The following ZNF608 variants were observed in gnomAD, a reference collection of about 807,000 sequenced individuals.
ZNF608 encodes the protein renal carcinoma antigen NY-REN-36.
ZNF608 carries 12 observed loss-of-function variants against 109.0 expected under a neutral mutation model. That is an observed-to-expected ratio of 0.11 (90% CI 0.07 to 0.18). ZNF608 has a LOEUF of 0.18. Among genes scored for constraint, ZNF608 ranks in the 10% least tolerant of loss-of-function variants. The pLI is 1.00. For synonymous variants in ZNF608, 732 were observed against 717.4 expected (o/e 1.02, Z -0.33); for missense variants, 1,707 against 1,879.3 (o/e 0.91, Z 1.70).
intron 3 of ZNF608, among the ~76,000 whole-genome samples, chr5:124,659,337 A>C (rs1751151516): frequency 6.6e-6 from 1 of 152,172 alleles, no homozygotes. Flanking sequence ...AGGGCGTAGA[A>C]GGGTGTAAAA....
At position 124,744,341 on chromosome 5, in the gene ZNF608, G is replaced by A; in HGVS notation, c.649C>T (p.Leu217=). 6.2e-7 allele frequency: 1 copy of A among 1,614,254 alleles called. No individual in the cohort carries two copies. Among genetic ancestry groups the A allele is most frequent in the Non-Finnish European group, 8.5e-7 (1 of 1,180,046 alleles). ...AGKSRKDKHD[L]LQGHQNGSGS... ...CTGCCATTCTGGTGGCCCTGAAGCAGGTCGTGCTTGTCCTTCCTGGATTTC... is the reference window on the plus strand; with the variant it reads ...CTGCCATTCTGGTGGCCCTGAAGCAAGTCGTGCTTGTCCTTCCTGGATTTC... The change falls in exon 2 of 10, where the codon CTG becomes TTG. Residue 217 remains leucine, a synonymous_variant. Coordinates refer to ENST00000513986, the MANE Select transcript of ZNF608 (RefSeq NM_020747.3). This position sits in a 1 kb window ranked among gnomAD's most constrained non-coding sequence, Gnocchi z 4.5.
At chr5:124,668,007 A>G (rs1267667774) in intron 3 of ZNF608, among the ~76,000 whole-genome samples, 1 of 151,928 alleles carries the variant, frequency 6.6e-6, no homozygotes, top group Non-Finnish European at 1.5e-5. Flanking sequence ...GAATCACACA[A>G]TAAGCTTCAC....
intron 3 of ZNF608, among the ~76,000 whole-genome samples, chr5:124,679,679 G>A (rs1367010307): frequency 6.6e-6 from 1 of 152,148 alleles, no homozygotes; most frequent in African/African-American, 2.4e-5. Flanking sequence ...CACCTTTCTA[G>A]GCTGAGAAGA....
intron 5 of ZNF608, among the ~76,000 whole-genome samples, chr5:124,646,339 C>T (rs1311199274): frequency 3.3e-5 from 5 of 152,060 alleles, no homozygotes; most frequent in African/African-American, 1.2e-4. Context: ...GCCTGGGTGA[C>T]AGAGAGAGAT....
intron 3 of ZNF608, among the ~76,000 whole-genome samples, chr5:124,682,576 C>G (rs1752241747): frequency 6.6e-6 from 1 of 152,216 alleles, no homozygotes. Context: ...GGTCAGAAAA[C>G]TCTGGGAGAG....
rs1340113328 is a variant in ZNF608 at position 124,737,742 on chromosome 5, C to T, written c.906+6342G>A. ...CAAAATTCAGCTTTAGGAGCAAAGTCTCACTTTGGATATGCAAGAGGTTGC... is the reference window on the plus strand; with the variant it reads ...CAAAATTCAGCTTTAGGAGCAAAGTTTCACTTTGGATATGCAAGAGGTTGC... On this transcript the variant is annotated intron_variant, in intron 2 of 9. Coordinates refer to ENST00000513986, the MANE Select transcript of ZNF608 (RefSeq NM_020747.3). Among the ~76,000 whole-genome samples the T allele has an allele frequency of 2.6e-5, 4 of 152,288 alleles. No homozygotes were observed. The East Asian group carries it at 5.8e-4, about 22-fold the overall frequency.
intron 2 of ZNF608, among the ~76,000 whole-genome samples, chr5:124,734,075 C>T (rs1300788961): frequency 6.6e-6 from 1 of 152,136 alleles, no homozygotes; most frequent in Non-Finnish European, 1.5e-5. Flanking sequence ...GAAACTAATA[C>T]ACAGTGATGC....
chr5:124,680,141 GA>G (rs1209490622), intron 3 of ZNF608, among the ~76,000 whole-genome samples: 2 of 148,572 alleles, frequency 1.3e-5, no homozygotes. Context: ...AGCCACATTT[GA>G]AAAAAAAATA....
intron 2 of ZNF608, among the ~76,000 whole-genome samples, chr5:124,716,073 G>A (rs1302166509): frequency 5.3e-5 from 8 of 150,792 alleles, no homozygotes; most frequent in Non-Finnish European, 8.9e-5. Context: ...AACCCGGGAG[G>A]CGGAGCTGGC....
chr5:124,720,701 A>C (rs1753868026), intron 2 of ZNF608, among the ~76,000 whole-genome samples: 1 of 152,202 alleles, frequency 6.6e-6, no homozygotes, highest in Non-Finnish European at 1.5e-5. Flanking sequence ...AAAGTGTCAG[A>C]ATGGGCCGCA....
chr5:124,690,547 T>C (rs1244275162), intron 3 of ZNF608, among the ~76,000 whole-genome samples: 1 of 152,134 alleles, frequency 6.6e-6, no homozygotes, highest in Admixed American at 6.5e-5. Flanking sequence ...CAAAACAGCC[T>C]TTTAAAAAAG....
chr5:124,685,010 C>T (rs1752345448), intron 3 of ZNF608, among the ~76,000 whole-genome samples: 1 of 152,208 alleles, frequency 6.6e-6, no homozygotes, highest in African/African-American at 2.4e-5. Flanking sequence ...TTTATACAAT[C>T]ATGCCCTTTC....
rs543945664 is a variant in ZNF608, at chr5:124,744,184, C to T, written c.806G>A (p.Ser269Asn). 20 of 1,613,726 alleles carry T rather than the reference C, an allele frequency of 1.2e-5. No individual in the cohort carries two copies. Among genetic ancestry groups the T allele is most frequent in the African/African-American group, 4.0e-5 (3 of 75,068 alleles). Reference sequence around the variant, plus strand: ...TCCCATGAGCCCTGAATCCGGGGCACTTTTGCTAACTTCCCCTGCAGCGGC... The same window carrying T: ...TCCCATGAGCCCTGAATCCGGGGCATTTTTGCTAACTTCCCCTGCAGCGGC... The part of the protein sequence containing the change: ...SVAAAGEVSK[S>N]APDSGLMGNS... Residue 269 changes from serine to asparagine, a missense_variant, in exon 2 of 10, where the codon AGT becomes AAT. Coordinates refer to ENST00000513986, the MANE Select transcript of ZNF608 (RefSeq NM_020747.3). The surrounding 1 kb of genome is among the most constrained non-coding windows in gnomAD (Gnocchi z 4.5).
chr5:124,728,441 G>T (rs1748719970), intron 2 of ZNF608, among the ~76,000 whole-genome samples: 1 of 152,098 alleles, frequency 6.6e-6, no homozygotes, highest in Non-Finnish European at 1.5e-5. Flanking sequence ...CTCCCATGCT[G>T]CTGGCAATAA....
chr5:124,715,003 G>GATCA (rs752299156), intron 2 of ZNF608, among the ~76,000 whole-genome samples: 1 of 152,170 alleles, frequency 6.6e-6, no homozygotes, highest in Non-Finnish European at 1.5e-5. Flanking sequence ...CTAAGAATGA[G>GATCA]ATCAGGATCT....
chr5:124,732,123 T>C (rs1329051809), intron 2 of ZNF608, among the ~76,000 whole-genome samples: 4 of 152,102 alleles, frequency 2.6e-5, no homozygotes, highest in African/African-American at 9.7e-5. Flanking sequence ...AGGATCATGA[T>C]ACCAAAATAA....
rs561414014 is a variant in ZNF608 at position 124,745,182 on chromosome 5, G to T, written c.-183-10C>A. On this transcript the variant is annotated splice_polypyrimidine_tract_variant and intron_variant, in intron 1 of 9. Coordinates refer to ENST00000513986, the MANE Select transcript of ZNF608 (RefSeq NM_020747.3). ...CCAGGTCCACCTTTTCCTGTGAAGG[G>T]GGGGGGAAAAGTCGAATATTTCTTG... The T allele has an allele frequency of 2.7e-5, 38 of 1,404,150 alleles. No homozygotes were observed. Among genetic ancestry groups the T allele is most frequent in the Admixed American group, 1.9e-4 (6 of 31,196 alleles). 87.0% of individuals were successfully genotyped at this position (1,404,150 alleles called of 1,614,324 possible).
chr5:124,724,062 G>T (rs1164941595), intron 2 of ZNF608, among the ~76,000 whole-genome samples: 1 of 152,128 alleles, frequency 6.6e-6, no homozygotes, highest in Non-Finnish European at 1.5e-5. Flanking sequence ...GGCAATTCAT[G>T]TTCCACCATT....
In ZNF608 at chr5:124,638,778, T is replaced by C. The variant is rs939854374; in HGVS notation, c.4532+355A>G. On this transcript the variant is annotated intron_variant, in intron 9 of 9. Transcript: ENST00000513986. ...AATTTAAAATATCAAAGAACAAACA[T>C]TACCTTTAGCATTATGAAAATAAAT... 9.9e-6 allele frequency: 10 copies of C among 1,005,324 alleles called. No homozygotes were observed. In the African/African-American group the frequency reaches 1.4e-4, roughly 14 times the overall value. 62.3% of individuals were successfully genotyped at this position (1,005,324 alleles called of 1,614,324 possible).
Sources: gnomAD v4.1 joint callset for allele counts (sites outside exome capture counted in the v4.1 genomes callset) on GRCh38, gnomAD v4.1.1 for gene constraint, Gnocchi (gnomAD v3.1) non-coding constraint, MANE v1.5 for transcripts, NCBI Gene and HGNC (gene_info 2026-07-23, HGNC 2026-07-21) for gene names.